The following ARHGAP6 variants were observed in gnomAD, a reference collection of about 807,000 sequenced individuals.
ARHGAP6 encodes Rho GTPase activating protein 6, also known as rho GTPase-activating protein 6.
A neutral mutation model predicts 55.7 loss-of-function variants in ARHGAP6; 16 were observed. The ratio of observed to expected loss-of-function variants is 0.29; its 90% CI spans 0.19 to 0.44. The LOEUF (loss-of-function observed/expected upper bound fraction) is 0.44. Ranked by LOEUF, ARHGAP6 falls within the 20% of genes least tolerant of loss-of-function variation. ARHGAP6 has a pLI of 1.00. For synonymous variants in ARHGAP6, 382 were observed against 360.9 expected (o/e 1.06, Z -0.66); for missense variants, 698 against 808.9 (o/e 0.86, Z 1.66).
chrX:11,607,085 T>C (rs1343320258), intron 1 of ARHGAP6, among the ~76,000 whole-genome samples: 2 of 112,425 alleles, frequency 1.8e-5, no homozygotes, highest in South Asian at 3.7e-4. Context: ...ATTAAAAATA[T>C]TGGAAACATC....
At chrX:11,658,061 G>A (rs1411548425) in intron 1 of ARHGAP6, among the ~76,000 whole-genome samples, 1 of 111,886 alleles carries the variant, frequency 8.9e-6, no homozygotes, top group Admixed American at 9.4e-5. Context: ...TTTTCCAGAA[G>A]CTTGGCAGTT....
At chrX:11,648,633 T>C (rs980241383) in intron 1 of ARHGAP6, among the ~76,000 whole-genome samples, 1 of 111,998 alleles carries the variant, frequency 8.9e-6, no homozygotes, top group Non-Finnish European at 1.9e-5. Flanking sequence ...CCTCAACCAA[T>C]TCATTTCACA....
At chrX:11,386,403 C>A (rs1356686841) in intron 1 of ARHGAP6, among the ~76,000 whole-genome samples, 2 of 111,987 alleles carry the variant, frequency 1.8e-5, no homozygotes, top group Non-Finnish European at 3.8e-5. Context: ...TTGCTAGAGA[C>A]CACGGAGTTC....
At chrX:11,201,510 C>A (rs1463754051) in intron 2 of ARHGAP6, among the ~76,000 whole-genome samples, 2 of 111,847 alleles carry the variant, frequency 1.8e-5, no homozygotes. Context: ...AACTTGCTCA[C>A]AGGACTATCC....
At chrX:11,284,256 A>C (rs1394816075) in intron 1 of ARHGAP6, among the ~76,000 whole-genome samples, 1 of 111,978 alleles carries the variant, frequency 8.9e-6, no homozygotes, top group Non-Finnish European at 1.9e-5. Flanking sequence ...TTTCAGATTC[A>C]GTAGGTGTGG....
intron 1 of ARHGAP6, among the ~76,000 whole-genome samples, chrX:11,619,008 G>A (rs1355536902): frequency 9.0e-6 from 1 of 111,386 alleles, no homozygotes; most frequent in Non-Finnish European, 1.9e-5. Context: ...GAAAATATCA[G>A]TTTTCAAGGA....
chrX:11,503,704 T>A (rs188419734), intron 1 of ARHGAP6, among the ~76,000 whole-genome samples: 2 of 111,647 alleles, frequency 1.8e-5, no homozygotes, highest in African/African-American at 6.5e-5. Flanking sequence ...GACTCTTTAT[T>A]CATTTGATCA....
Position 11,387,789 on chromosome X carries a change from T to A in ARHGAP6, c.589-133082A>T, listed in dbSNP as rs764081031. Among the ~76,000 whole-genome samples, 304 of 110,565 alleles carry A rather than the reference T, an allele frequency of 2.7e-3. 1 individual carries two copies. The highest frequency in any genetic ancestry group is 0.014 in the Middle Eastern group (3 of 217). Reference sequence around the variant, plus strand: ...TTATTGTTCAATTCCCACCTATGAGTGAGAACATGCGGTGTTTGGTTTTTT... The same window carrying A: ...TTATTGTTCAATTCCCACCTATGAGAGAGAACATGCGGTGTTTGGTTTTTT... On this transcript the variant is annotated intron_variant, in intron 1 of 12. Transcript: ENST00000337414.
At chrX:11,476,183 A>T (rs949543775) in intron 1 of ARHGAP6, among the ~76,000 whole-genome samples, 2 of 111,316 alleles carry the variant, frequency 1.8e-5, no homozygotes, top group African/African-American at 3.3e-5. Context: ...CTAGAGCTAT[A>T]AGTAGATTGA....
chrX:11,315,918 T>A (rs2048355517), intron 1 of ARHGAP6, among the ~76,000 whole-genome samples: 1 of 112,071 alleles, frequency 8.9e-6, no homozygotes, highest in African/African-American at 3.2e-5. Flanking sequence ...CATTTTTTTC[T>A]TGAATTCCCT....
intron 1 of ARHGAP6, among the ~76,000 whole-genome samples, chrX:11,317,313 T>G (rs1371256177): frequency 8.9e-6 from 1 of 112,482 alleles, no homozygotes; most frequent in Non-Finnish European, 1.9e-5. Flanking sequence ...TTTACTCACT[T>G]GATGCCAGTA....
intron 1 of ARHGAP6, among the ~76,000 whole-genome samples, chrX:11,273,502 G>A (rs1005818204): frequency 5.5e-5 from 6 of 109,970 alleles, no homozygotes; most frequent in African/African-American, 9.9e-5. Context: ...GTACATAATC[G>A]CTTTGTTGAC....
chrX:11,416,057 G>T (rs1348201531), intron 1 of ARHGAP6, among the ~76,000 whole-genome samples: 1 of 111,811 alleles, frequency 8.9e-6, no homozygotes, highest in Non-Finnish European at 1.9e-5. Context: ...GTGTCTATGT[G>T]CATATATGTA....
At chrX:11,430,819 C>T (rs1157113939) in intron 1 of ARHGAP6, among the ~76,000 whole-genome samples, 1 of 111,704 alleles carries the variant, frequency 9.0e-6, no homozygotes, top group Non-Finnish European at 1.9e-5. Flanking sequence ...GTGATGAAGT[C>T]AGGGCTTTTA....
In ARHGAP6 at chrX:11,139,118, G is replaced by A; in HGVS notation, c.2670C>T (p.Pro890=). The stretch of plus-strand genomic sequence containing the variant: ...CCTGGATCCAGGCTGCCGCTGCCGC[G>A]GGCTTCCCTGGGCCCGGGTATGGAG... The part of the protein sequence containing the change: ...PPPPYPGPGK[P]AAAAAWIQGP... Residue 890 remains proline (P), a synonymous_variant, in exon 13 of 13, where the codon CCC becomes CCT. Coordinates refer to ENST00000337414, the MANE Select transcript of ARHGAP6 (RefSeq NM_013427.3). 1.7e-6 allele frequency: 2 copies of A among 1,203,832 alleles called. No individual in the cohort carries two copies. Among genetic ancestry groups the A allele is most frequent in the Non-Finnish European group, 2.2e-6 (2 of 892,411 alleles).
intron 1 of ARHGAP6, among the ~76,000 whole-genome samples, chrX:11,431,742 A>G (rs977051499): frequency 1.8e-5 from 2 of 112,468 alleles, no homozygotes; most frequent in African/African-American, 6.5e-5. Flanking sequence ...GTGCAGCTTA[A>G]TGAATTGTTA....
At chrX:11,229,710 G>A (rs888387338) in intron 2 of ARHGAP6, among the ~76,000 whole-genome samples, 2 of 111,987 alleles carry the variant, frequency 1.8e-5, no homozygotes, top group Non-Finnish European at 3.8e-5. Context: ...CTTTTGCTGA[G>A]TTTCTGAAAT....
chrX:11,164,608 T>A (rs746353586), intron 9 of ARHGAP6, among the ~76,000 whole-genome samples: 1 of 111,930 alleles, frequency 8.9e-6, no homozygotes, highest in African/African-American at 3.2e-5. Context: ...CTCCCAGTAG[T>A]GCTCATTTGA....
intron 1 of ARHGAP6, among the ~76,000 whole-genome samples, chrX:11,425,384 G>T (rs1433057148): frequency 3.6e-5 from 4 of 112,207 alleles, no homozygotes; most frequent in African/African-American, 1.3e-4. Flanking sequence ...CGTTAGAATA[G>T]ATATTATACC....
Sources: gnomAD v4.1 joint callset for allele counts (sites outside exome capture counted in the v4.1 genomes callset) on GRCh38, gnomAD v4.1.1 for gene constraint, MANE v1.5 for transcripts, NCBI Gene and HGNC (gene_info 2026-07-23, HGNC 2026-07-21) for gene names.